CADPS2: variants seen among roughly 807,000 people sequenced by gnomAD.
CADPS2 encodes calcium dependent secretion activator 2.
Under a neutral mutation model 172.5 loss-of-function variants are expected in CADPS2, and 93 were observed. The observed-to-expected ratio is 0.54, with a 90% CI of 0.46 to 0.64. The LOEUF is 0.64. CADPS2 is among the 30% of genes least tolerant of loss of function. The pLI is 0.00. For missense variants in CADPS2, 1,420 were observed against 1,565.9 expected, an observed-to-expected ratio of 0.91 and a Z score of 1.57; for synonymous variants, 546 against 555.2, an observed-to-expected ratio of 0.98 and a Z score of 0.23.
At chr7:122,386,244 A>C in intron 24 of CADPS2, 1 of 1,218,942 alleles carries the variant, frequency 8.2e-7, no homozygotes, top group Non-Finnish European at 1.1e-6. Flanking sequence ...TACATTTACA[A>C]AAATAATAAC....
chr7:122,496,667 T>G (rs2058753951), intron 9 of CADPS2, among the ~76,000 whole-genome samples: 1 of 152,142 alleles, frequency 6.6e-6, no homozygotes. Flanking sequence ...GGCTTTGTGG[T>G]TCTATTTTTG....
chr7:122,346,334 C>T (rs1027207218), intron 27 of CADPS2, among the ~76,000 whole-genome samples: 1 of 152,182 alleles, frequency 6.6e-6, no homozygotes, highest in African/African-American at 2.4e-5. Context: ...TGCCACTGTA[C>T]TCCAGCCTGG....
chr7:122,675,016 T>C (rs1053046532), intron 2 of CADPS2, among the ~76,000 whole-genome samples: 2 of 152,246 alleles, frequency 1.3e-5, no homozygotes, highest in African/African-American at 4.8e-5. Context: ...TTTTCCAGTA[T>C]GTAAATACCA....
intron 9 of CADPS2, among the ~76,000 whole-genome samples, chr7:122,504,948 A>C (rs1316282322): frequency 6.6e-6 from 1 of 152,238 alleles, no homozygotes; most frequent in Non-Finnish European, 1.5e-5. Flanking sequence ...TAAATTTATA[A>C]GAAACTGAGA....
chr7:122,759,728 C>A (rs2138684097), intron 1 of CADPS2, among the ~76,000 whole-genome samples: 1 of 152,200 alleles, frequency 6.6e-6, no homozygotes, highest in South Asian at 2.1e-4. Flanking sequence ...TTGCCCAGAC[C>A]TTTGCTATTA....
chr7:122,653,408 G>A (rs779436666), intron 3 of CADPS2, among the ~76,000 whole-genome samples: 1 of 152,142 alleles, frequency 6.6e-6, no homozygotes, highest in Non-Finnish European at 1.5e-5. Context: ...GATCCTACCT[G>A]CCTCCCCAAG....
chr7:122,521,817 T>TA (rs1461186306), intron 8 of CADPS2, among the ~76,000 whole-genome samples: 1,908 of 152,226 alleles, frequency 0.013, 37 homozygotes, highest in African/African-American at 0.043. Context: ...GGTATCACAT[T>TA]TTATAGAATT....
chr7:122,627,716 C>T (rs1024810361), intron 4 of CADPS2, among the ~76,000 whole-genome samples: 1 of 152,152 alleles, frequency 6.6e-6, no homozygotes, highest in Non-Finnish European at 1.5e-5. Context: ...AATCTATATA[C>T]AAGTAGGTAA....
intron 1 of CADPS2, among the ~76,000 whole-genome samples, chr7:122,867,057 G>A (rs1425815379): frequency 6.6e-6 from 1 of 152,060 alleles, no homozygotes; most frequent in Non-Finnish European, 1.5e-5. Context: ...TTCCTCCTCT[G>A]TTTCCAAGGG....
intron 3 of CADPS2, among the ~76,000 whole-genome samples, chr7:122,638,346 G>A (rs2077274434): frequency 6.6e-6 from 1 of 152,142 alleles, no homozygotes; most frequent in African/African-American, 2.4e-5. Context: ...TTGGGGCTCT[G>A]CCCAAGTTAG....
chr7:122,855,323 T>C (rs889601547), intron 1 of CADPS2, among the ~76,000 whole-genome samples: 2 of 152,338 alleles, frequency 1.3e-5, no homozygotes, highest in South Asian at 2.1e-4. Context: ...AATTTATTTA[T>C]CCTAATAGCA....
chr7:122,539,651 G>A (rs898468330), intron 8 of CADPS2, among the ~76,000 whole-genome samples: 1 of 152,028 alleles, frequency 6.6e-6, no homozygotes, highest in African/African-American at 2.4e-5. Context: ...TGTAACCAAT[G>A]TAATTGTGTA....
intron 27 of CADPS2, among the ~76,000 whole-genome samples, chr7:122,350,842 C>G (rs1191137523): frequency 2.0e-5 from 3 of 151,510 alleles, no homozygotes; most frequent in African/African-American, 7.3e-5. Context: ...AAAAATTAGC[C>G]AGGCATGGTG....
chr7:122,691,463 G>C (rs1170612395), intron 2 of CADPS2, among the ~76,000 whole-genome samples: 1 of 152,170 alleles, frequency 6.6e-6, no homozygotes, highest in East Asian at 1.9e-4. Context: ...GGCACCCCTA[G>C]TCAACTACCC....
At chr7:122,749,304 A>C (rs2092847911) in intron 1 of CADPS2, among the ~76,000 whole-genome samples, 1 of 152,114 alleles carries the variant, frequency 6.6e-6, no homozygotes, top group African/African-American at 2.4e-5. Context: ...CCACCACTGT[A>C]TAATAATAGG....
At chr7:122,363,992 C>T (rs946139598) in intron 25 of CADPS2, among the ~76,000 whole-genome samples, 42 of 152,128 alleles carry the variant, frequency 2.8e-4, no homozygotes, top group African/African-American at 9.7e-4. Flanking sequence ...GGTTATTTGG[C>T]AGACGGCAGA....
At chr7:122,585,447 C>T (rs1181669176) in intron 6 of CADPS2, 1 of 148,042 alleles carries the variant, frequency 6.8e-6, no homozygotes, top group African/African-American at 2.5e-5. Context: ...CTCCCCAAAC[C>T]CCACTCAACA....
rs903775961 is a variant in CADPS2, at chr7:122,672,394, G to C, written c.454-8825C>G. Among the ~76,000 whole-genome samples, 10 of 152,264 alleles carry C rather than the reference G, an allele frequency of 6.6e-5. No individual in the cohort carries two copies. In the South Asian group the frequency reaches 2.1e-3, roughly 32 times the overall value. On this transcript the variant is annotated intron_variant, in intron 2 of 29. Coordinates refer to ENST00000449022, the MANE Select transcript of CADPS2 (RefSeq NM_017954.11). Reference sequence around the variant, plus strand: ...GGAGTACCAGCAGGGCACCATGCTGGTGTCGAAGCTGTCATGGGAATTCCT... The same window carrying C: ...GGAGTACCAGCAGGGCACCATGCTGCTGTCGAAGCTGTCATGGGAATTCCT...
chr7:122,625,755 A>ATCTC (rs143167320), intron 4 of CADPS2, among the ~76,000 whole-genome samples: 30 of 148,876 alleles, frequency 2.0e-4, no homozygotes, highest in African/African-American at 6.4e-4. Flanking sequence ...AACGCAATCA[A>ATCTC]TCTCTCTCTC....
Sources: allele counts gnomAD v4.1 joint callset (sites outside exome capture counted in the v4.1 genomes callset), GRCh38; gene constraint gnomAD v4.1.1; transcripts MANE v1.5; gene names NCBI Gene and HGNC (gene_info 2026-07-23, HGNC 2026-07-21).